GSTZ1: variants seen among roughly 807,000 people sequenced by gnomAD.
GSTZ1 encodes glutathione S-transferase zeta 1.
In GSTZ1, 34 loss-of-function variants were observed where a neutral mutation model predicts 35.9. The ratio of observed to expected loss-of-function variants is 0.95; its 90% CI spans 0.72 to 1.26. GSTZ1 has a LOEUF of 1.26. Ranked by LOEUF, GSTZ1 falls within the 50% of genes most tolerant of loss-of-function variation. GSTZ1 has a pLI of 0.00. For missense variants in GSTZ1, 263 were observed against 271.7 expected (o/e 0.97, Z 0.23); for synonymous variants, 93 against 101.2 (o/e 0.92, Z 0.49).
intron 2 of GSTZ1, chr14:77,325,911 C>T (rs1231809496): frequency 1.3e-5 from 2 of 152,312 alleles, no homozygotes; most frequent in Admixed American, 6.5e-5. Context: ...TCTGTACGGC[C>T]TGTGTGCTTT....
rs1892415418 is a variant in GSTZ1, at chr14:77,327,918, A to G, written c.223A>G (p.Ile75Val). The change falls in exon 5 of 9, where the codon ATC (isoleucine) becomes GTC (valine). Residue 75 changes from isoleucine (I) to valine (V), a missense_variant. Transcript: ENST00000216465. ...DGITIHQSLA[I>V]IEYLEEMRPT... is the part of the protein sequence containing the mutation. ...ACTGCTCCCCTCTGGACAGCTGGCC[A>G]TCATTGAGTATCTAGAGGAGATGCG... 3 of 1,613,952 alleles carry G rather than the reference A, an allele frequency of 1.9e-6. No homozygotes were observed. The South Asian group carries it at 3.3e-5, about 18-fold the overall frequency.
rs772608817 is a variant in GSTZ1 at position 77,331,031 on chromosome 14, C to T, written c.525-38C>T. The T allele has an allele frequency of 4.4e-6, 7 of 1,601,928 alleles. No homozygotes were observed. In the East Asian group the frequency reaches 1.6e-4, roughly 36 times the overall value. Reference sequence around the variant, plus strand: ...GCATCAGGGCAGTCTCCCTGTGTCCCTGAAAACCTTAGCTTAGCAGGTGTT... The same window carrying T: ...GCATCAGGGCAGTCTCCCTGTGTCCTTGAAAACCTTAGCTTAGCAGGTGTT... On this transcript the variant is annotated intron_variant, in intron 8 of 8. Coordinates refer to ENST00000216465, the MANE Select transcript of GSTZ1 (RefSeq NM_145870.3).
Position 77,321,202 on chromosome 14 carries a change from G to T in GSTZ1, c.15+19G>T, listed in dbSNP as rs1260179570. 1 of 1,496,300 alleles carries T rather than the reference G, an allele frequency of 6.7e-7. No individual in the cohort carries two copies. The highest frequency in any genetic ancestry group is 2.2e-5 in the Admixed American group (1 of 44,642). 92.7% of individuals were successfully genotyped at this position (1,496,300 alleles called of 1,614,324 possible). A position where few individuals can be genotyped will look rare whatever the true frequency, so the allele number is the denominator to read the frequency against. On this transcript the variant is annotated intron_variant, in intron 1 of 8. Coordinates refer to ENST00000216465, the MANE Select transcript of GSTZ1 (RefSeq NM_145870.3). ...GGGGAAGGTCTGTGACGCGCACCCG[G>T]GTGGAGGGAAGCTGGTTAGACACCT...
In GSTZ1 at chr14:77,329,767, T is replaced by G. The variant is rs761759805; in HGVS notation, c.434T>G (p.Ile145Ser). 3 of 1,613,772 alleles carry G rather than the reference T, an allele frequency of 1.9e-6. No individual in the cohort carries two copies. The highest frequency in any genetic ancestry group is 2.5e-6 in the Non-Finnish European group (3 of 1,179,662). ...GGCCTCCCCACAGCCCTGGAGCAGA[T>G]CCTACAGAGCACAGCGGGCATATAC... is the stretch of plus-strand genomic sequence containing the variant. Reference protein sequence around the residue: ...ITCGFNALEQILQSTAGIYCV... With the variant: ...ITCGFNALEQSLQSTAGIYCV... The change falls in exon 7 of 9, where the codon ATC becomes AGC. Residue 145 changes from isoleucine (I) to serine (S), a missense_variant. By Grantham distance (142) the Ile-to-Ser change is moderately radical (BLOSUM62 -2). Coordinates refer to ENST00000216465, the MANE Select transcript of GSTZ1 (RefSeq NM_145870.3).
At position 77,325,070 on chromosome 14, in the gene GSTZ1, C is replaced by G. The variant is rs551202267; in HGVS notation, c.67+149C>G. On this transcript the variant is annotated intron_variant, in intron 2 of 8. Transcript: ENST00000216465. ...ACCAGCATCCCCCGGCTCCTAGAAC[C>G]CCCATCCCTGCATGGCATCTCCACC... 3 of 687,394 alleles carry G rather than the reference C, an allele frequency of 4.4e-6. No homozygotes were observed. In the African/African-American group the frequency reaches 5.3e-5, roughly 12 times the overall value. The allele number at this position is 687,394 out of a possible 1,614,324, so 42.6% of individuals were successfully genotyped here. A position where few individuals can be genotyped will look rare whatever the true frequency, so the allele number is the denominator to read the frequency against.
chr14:77,323,108 G>A (rs1482064645), intron 1 of GSTZ1: 1 of 152,124 alleles, frequency 6.6e-6, no homozygotes, highest in African/African-American at 2.4e-5. Flanking sequence ...TTAAACCTTG[G>A]AGTAGAGATC....
At chr14:77,330,145 G>A (rs879164702) in intron 7 of GSTZ1, 165 bp from the exon 8 acceptor site, 2 of 764,204 alleles carry the variant, frequency 2.6e-6, no homozygotes, top group Non-Finnish European at 4.8e-6. Context: ...AGCTCCGGGG[G>A]ACAGACTCAT....
chr14:77,321,734 T>G (rs1293283364), intron 1 of GSTZ1, among the ~76,000 whole-genome samples: 1 of 152,062 alleles, frequency 6.6e-6, no homozygotes, highest in East Asian at 1.9e-4. Context: ...TACAAAAAAA[T>G]TAGCCAGGCG....
At chr14:77,328,079 C>T (rs1435427266) in intron 5 of GSTZ1, 42 bp downstream of exon 5, 1 of 1,607,012 alleles carries the variant, frequency 6.2e-7, no homozygotes, top group Admixed American at 1.7e-5. Context: ...ACCTGACACA[C>T]TCTTACACTC....
At chr14:77,321,314 G>T (rs1441096808) in intron 1 of GSTZ1, 131 bp downstream of exon 1, 2 of 1,528,988 alleles carry the variant, frequency 1.3e-6, no homozygotes, top group East Asian at 2.5e-5. Flanking sequence ...TTTGCGCCGG[G>T]CACGCTCTGC....
chr14:77,321,502 G>A, intron 1 of GSTZ1: 1 of 1,385,694 alleles, frequency 7.2e-7, no homozygotes, highest in South Asian at 1.4e-5. Context: ...GCTTCCAAAC[G>A]TCGCCCCAAG....
In GSTZ1 at chr14:77,331,557, G is replaced by A. The variant is rs1011147222; in HGVS notation, c.*362G>A. 2 of 192,424 alleles carry A rather than the reference G, an allele frequency of 1.0e-5. 1 individual carries two copies. The highest frequency in any genetic ancestry group is 2.7e-4 in the South Asian group (2 of 7,276). 11.9% of individuals were successfully genotyped at this position (192,424 alleles called of 1,614,324 possible). A position where few individuals can be genotyped will look rare whatever the true frequency, so the allele number is the denominator to read the frequency against. On this transcript the variant is annotated 3_prime_UTR_variant, in exon 9 of 9. Transcript: ENST00000216465. ...GTGTGTGACTCCAAAGAATGCCCGC[G>A]CTGAAATTTGGCGTGAATTAAACTG...
chr14:77,331,061 T>A lies in GSTZ1; in HGVS notation c.525-8T>A, dbSNP rs776796310. 6.2e-7 allele frequency: 1 copy of A among 1,613,464 alleles called. No individual in the cohort carries two copies. Among genetic ancestry groups the A allele is most frequent in the South Asian group, 1.1e-5 (1 of 91,014 alleles). ...AACCTTAGCTTAGCAGGTGTTTCTCTACTACAGATTCAAGGTGGATCTCAC... is the reference window on the plus strand; with the variant it reads ...AACCTTAGCTTAGCAGGTGTTTCTCAACTACAGATTCAAGGTGGATCTCAC... On this transcript the variant is annotated splice_region_variant and splice_polypyrimidine_tract_variant and intron_variant, in intron 8 of 8. Transcript: ENST00000216465.
Position 77,330,374 on chromosome 14 carries a change from C to T in GSTZ1, c.524+15C>T, listed in dbSNP as rs751098839. 9.6e-5 allele frequency: 154 copies of T among 1,602,308 alleles called. No homozygotes were observed. The highest frequency in any genetic ancestry group is 1.1e-4 in the Non-Finnish European group (125 of 1,169,356). ...AATGCTGAAAGGTAAGAGAGAGCCC[C>T]GCCACCCTCCCTTCTCGTGGCTCTG... On this transcript the variant is annotated intron_variant, in intron 8 of 8. Transcript: ENST00000216465.
intron 6 of GSTZ1, 121 bp downstream of exon 6, chr14:77,329,322 A>G: frequency 1.3e-6 from 1 of 748,548 alleles, no homozygotes; most frequent in Non-Finnish European, 2.4e-6. Flanking sequence ...AGTTGCATGG[A>G]TGAGGGCAGG....
At chr14:77,327,784 A>G in intron 4 of GSTZ1, 128 bp from the exon 5 acceptor site, 1 of 934,662 alleles carries the variant, frequency 1.1e-6, no homozygotes, top group South Asian at 1.5e-5. Flanking sequence ...GCTTGAGCTG[A>G]GCAGAAGCAG....
rs571362496 is a variant in GSTZ1 at position 77,324,752 on chromosome 14, G to A, written c.16-118G>A. ...GAGAGCTTGGAGTCTGCCCTGATTT[G>A]CACAGATGCAGGCCTGAGAGAGGAG... On this transcript the variant is annotated intron_variant, in intron 1 of 8. Transcript: ENST00000216465. 8.6e-5 allele frequency: 102 copies of A among 1,185,552 alleles called. No homozygotes were observed. The African/African-American group carries it at 1.2e-3, about 14-fold the overall frequency. 73.4% of individuals were successfully genotyped at this position (1,185,552 alleles called of 1,614,324 possible).
At chr14:77,329,099 A>C in intron 5 of GSTZ1, 24 bp from the exon 6 acceptor site, 1 of 1,569,122 alleles carries the variant, frequency 6.4e-7, no homozygotes, top group Non-Finnish European at 8.8e-7. Flanking sequence ...CAGCGCAATC[A>C]CAGATTTTCT....
intron 1 of GSTZ1, chr14:77,322,747 G>A: frequency 1.0e-6 from 1 of 983,372 alleles, no homozygotes; most frequent in Non-Finnish European, 1.2e-6. Flanking sequence ...CTTCAGGACA[G>A]GCTGGGACTG....
Sources: allele counts gnomAD v4.1 joint callset (sites outside exome capture counted in the v4.1 genomes callset), GRCh38; gene constraint gnomAD v4.1.1; transcripts MANE v1.5; gene names NCBI Gene and HGNC (gene_info 2026-07-23, HGNC 2026-07-21).